TBC1D12: variants seen among roughly 807,000 people sequenced by gnomAD.
TBC1D12 encodes TBC1 domain family, member 12.
A neutral mutation model predicts 86.7 loss-of-function variants in TBC1D12; 56 were observed. That is an observed-to-expected ratio of 0.65 (90% confidence interval 0.52 to 0.81). The LOEUF (loss-of-function observed/expected upper bound fraction) is 0.81. TBC1D12 is among the 30% of genes least tolerant of loss of function. The probability of loss-of-function intolerance (pLI) is 0.00; values close to 1 mark genes in which losing one functional copy is unlikely to be tolerated. For synonymous variants in TBC1D12, 421 were observed against 411.7 expected, an observed-to-expected ratio of 1.02 and a Z score of -0.27; for missense variants, 1,023 against 1,038.8, an observed-to-expected ratio of 0.98 and a Z score of 0.21.
intron 2 of TBC1D12, among the ~76,000 whole-genome samples, chr10:94,458,596 G>T (rs563635067): frequency 6.6e-6 from 1 of 152,250 alleles, no homozygotes; most frequent in East Asian, 1.9e-4. Context: ...GACCCACGTG[G>T]TGAGTGTTAC....
chr10:94,414,148 C>G lies in TBC1D12; in HGVS notation c.971+10564C>G, dbSNP rs2054965092. 2.0e-5 allele frequency among the ~76,000 whole-genome samples: 3 copies of G among 151,818 alleles called. No homozygotes were observed. In the South Asian group the frequency reaches 6.2e-4, roughly 31 times the overall value. Reference sequence around the variant, plus strand: ...ATATAAAATAAAGCTAAAGATAATACATTGTTTCCACGTTATTCTTGTTAA... The same window carrying G: ...ATATAAAATAAAGCTAAAGATAATAGATTGTTTCCACGTTATTCTTGTTAA... On this transcript the variant is annotated intron_variant, in intron 1 of 12. Coordinates refer to ENST00000225235, the MANE Select transcript of TBC1D12 (RefSeq NM_015188.2).
intron 1 of TBC1D12, among the ~76,000 whole-genome samples, chr10:94,403,846 C>T (rs2054811835): frequency 1.3e-5 from 2 of 152,206 alleles, no homozygotes; most frequent in South Asian, 2.1e-4. Context: ...GGAGGCTGTA[C>T]CTGCCATTCA....
At chr10:94,440,656 A>G (rs2055367950) in intron 1 of TBC1D12, among the ~76,000 whole-genome samples, 1 of 152,190 alleles carries the variant, frequency 6.6e-6, no homozygotes, top group Non-Finnish European at 1.5e-5. Flanking sequence ...GTAATTAATC[A>G]TATGTGTGAA....
chr10:94,471,137 A>G (rs1035872207), intron 2 of TBC1D12, among the ~76,000 whole-genome samples: 1 of 152,048 alleles, frequency 6.6e-6, no homozygotes, highest in Non-Finnish European at 1.5e-5. Context: ...TTAGCCGGGC[A>G]TGGTGGCACA....
chr10:94,465,032 T>C (rs944106338), intron 2 of TBC1D12, among the ~76,000 whole-genome samples: 1 of 152,220 alleles, frequency 6.6e-6, no homozygotes, highest in African/African-American at 2.4e-5. Context: ...TTAATAGTCT[T>C]TTCAGATAAT....
At position 94,501,092 on chromosome 10, in the gene TBC1D12, G is replaced by A. The variant is rs1263113632; in HGVS notation, c.1519+765G>A. Among the ~76,000 whole-genome samples the A allele has an allele frequency of 7.5e-5, 11 of 146,892 alleles. No homozygotes were observed. The South Asian group carries it at 9.1e-4, about 12-fold the overall frequency. ...TGAATAAATGAATGAATGAATGAAT[G>A]AATGAATAAATAAATAAATAAATAA... On this transcript the variant is annotated intron_variant, in intron 6 of 12. Transcript: ENST00000225235.
intron 2 of TBC1D12, among the ~76,000 whole-genome samples, chr10:94,448,032 A>G (rs1246106449): frequency 6.6e-6 from 1 of 151,948 alleles, no homozygotes; most frequent in Non-Finnish European, 1.5e-5. Context: ...ATCAATACAC[A>G]TGCCATTTTC....
At position 94,403,483 on chromosome 10, in the gene TBC1D12, C is replaced by T. The variant is rs1386743386; in HGVS notation, c.870C>T (p.Pro290=). Residue 290 remains proline (P), a synonymous_variant, in exon 1 of 13, where the codon CCC becomes CCT. Transcript: ENST00000225235. ...GTCAGAGCGCCCGCGATCACCTGCC[C>T]CCGGCGGGGCCGCCGGTGCCCTTGC... is the stretch of plus-strand genomic sequence containing the variant. ...SRGQSARDHL[P]PAGPPVPLPA... 3.9e-6 allele frequency: 6 copies of T among 1,541,540 alleles called. No homozygotes were observed. The African/African-American group carries it at 5.6e-5, about 14-fold the overall frequency.
intron 1 of TBC1D12, among the ~76,000 whole-genome samples, chr10:94,426,286 C>T (rs1380234973): frequency 6.6e-6 from 1 of 152,086 alleles, no homozygotes; most frequent in African/African-American, 2.4e-5. Flanking sequence ...ATGATGTTAG[C>T]TGTAGGGTTT....
At chr10:94,474,026 A>G (rs544804262) in intron 2 of TBC1D12, among the ~76,000 whole-genome samples, 1 of 152,324 alleles carries the variant, frequency 6.6e-6, no homozygotes, top group East Asian at 1.9e-4. Flanking sequence ...TTGTAATACT[A>G]GATTGAAATC....
chr10:94,489,734 A>G (rs1421946675), intron 3 of TBC1D12, among the ~76,000 whole-genome samples: 1 of 152,164 alleles, frequency 6.6e-6, no homozygotes, highest in African/African-American at 2.4e-5. Context: ...CCTAATTTCA[A>G]TGTTGTATCC....
At chr10:94,531,032 G>A (rs1842406638) in intron 11 of TBC1D12, among the ~76,000 whole-genome samples, 170 bp from the exon 12 acceptor site, 1 of 151,930 alleles carries the variant, frequency 6.6e-6, no homozygotes, top group Admixed American at 6.6e-5. Context: ...GCTAATTTTT[G>A]TATTTTTAGT....
At chr10:94,463,003 A>G (rs1158652647) in intron 2 of TBC1D12, among the ~76,000 whole-genome samples, 1 of 152,022 alleles carries the variant, frequency 6.6e-6, no homozygotes, top group Non-Finnish European at 1.5e-5. Context: ...TAGACCTTTT[A>G]TCTTTTTAAT....
intron 3 of TBC1D12, among the ~76,000 whole-genome samples, chr10:94,482,699 C>T (rs1197460950): frequency 6.6e-6 from 1 of 152,092 alleles, no homozygotes; most frequent in Non-Finnish European, 1.5e-5. Context: ...ATCCGCCCGC[C>T]TCAGCCTCCC....
chr10:94,453,731 A>T, intron 2 of TBC1D12, among the ~76,000 whole-genome samples: 1 of 152,088 alleles, frequency 6.6e-6, no homozygotes, highest in African/African-American at 2.4e-5. Flanking sequence ...ATCTTCTAGG[A>T]GTTATATAGT....
chr10:94,517,510 A>AT (rs922065821), intron 9 of TBC1D12, among the ~76,000 whole-genome samples: 17 of 151,674 alleles, frequency 1.1e-4, no homozygotes, highest in Admixed American at 4.6e-4. Context: ...TGTTTTAAAT[A>AT]TTTTTTTTTA....
rs199513722 is a variant in TBC1D12, at chr10:94,517,783, C to CA, written c.1762-4171dup. 1.0e-3 allele frequency among the ~76,000 whole-genome samples: 153 copies of CA among 152,272 alleles called. 2 individuals carry two copies. In the East Asian group the frequency reaches 0.026, roughly 26 times the overall value. ...ACATATGCTGAATCTATAAATAACT[C>CA]ACGAAAGTTTTATCTGTAGATTTTA... On this transcript the variant is annotated intron_variant, in intron 9 of 12. Coordinates refer to ENST00000225235, the MANE Select transcript of TBC1D12 (RefSeq NM_015188.2).
At chr10:94,486,136 C>CTTTT (rs760373766) in intron 3 of TBC1D12, among the ~76,000 whole-genome samples, 453 of 120,772 alleles carry the variant, frequency 3.8e-3, no homozygotes, top group South Asian at 5.7e-3. Context: ...TCTTCTTCTT[C>CTTTT]TTCTTTTTTT....
At chr10:94,444,614 A>G (rs934237869) in intron 2 of TBC1D12, among the ~76,000 whole-genome samples, 3 of 152,134 alleles carry the variant, frequency 2.0e-5, no homozygotes, top group Non-Finnish European at 4.4e-5. Flanking sequence ...CTAATGTTCT[A>G]TGATATTTTC....
Sources: gnomAD v4.1 joint callset for allele counts (sites outside exome capture counted in the v4.1 genomes callset) on GRCh38, gnomAD v4.1.1 for gene constraint, MANE v1.5 for transcripts, NCBI Gene and HGNC (gene_info 2026-07-23, HGNC 2026-07-21) for gene names.